COQ8A: variants seen among roughly 807,000 people sequenced by gnomAD.
COQ8A encodes coenzyme Q8A.
In COQ8A, 51 loss-of-function variants were observed where a neutral mutation model predicts 65.0. The observed-to-expected ratio is 0.78, with a 90% CI of 0.63 to 0.99. COQ8A has a LOEUF of 0.99. Ranked by LOEUF, COQ8A falls within the 50% of genes least tolerant of loss-of-function variation. The pLI is 0.00. For missense variants in COQ8A, 940 were observed against 875.0 expected (o/e 1.07, Z -0.94); for synonymous variants, 371 against 353.2 (o/e 1.05, Z -0.57).
At chr1:226,978,738 C>T (rs1318391671) in intron 5 of COQ8A, among the ~76,000 whole-genome samples, 1 of 80,904 alleles carries the variant, frequency 1.2e-5, no homozygotes, top group Non-Finnish European at 3.6e-5. Flanking sequence ...CATACCTGCA[C>T]ACCTCCTTAC....
chr1:226,971,266 A>G (rs895819046), intron 4 of COQ8A, among the ~76,000 whole-genome samples: 14 of 151,010 alleles, frequency 9.3e-5, no homozygotes, highest in Non-Finnish European at 2.1e-4. Context: ...TGAAAATGTC[A>G]TTATAGCTGG....
chr1:226,956,030 ACACTCTCCCTGGCTCT>A (rs1657719269), intron 1 of COQ8A, among the ~76,000 whole-genome samples: 2 of 68,032 alleles, frequency 2.9e-5, no homozygotes, highest in African/African-American at 6.9e-5. Flanking sequence ...TCCCTGGTTC[ACACTCTCCCTGGCTCT>A]CACTCTCCCT....
At chr1:226,983,726 C>T (rs1659863959) in intron 9 of COQ8A, 35 bp from the exon 10 acceptor site, 4 of 1,612,572 alleles carry the variant, frequency 2.5e-6, no homozygotes, top group Non-Finnish European at 3.4e-6. Context: ...CCTGCAGAGC[C>T]CCCTTCCTCG....
chr1:226,978,693 C>T lies in COQ8A; in HGVS notation c.730+1170C>T. Among the ~76,000 whole-genome samples, 2 of 95,454 alleles carry T rather than the reference C, an allele frequency of 2.1e-5. 1 individual carries two copies. Among genetic ancestry groups the T allele is most frequent in the Non-Finnish European group, 5.8e-5 (2 of 34,532 alleles). 62.6% of individuals were successfully genotyped at this position (95,454 alleles called of 152,430 possible). On this transcript the variant is annotated intron_variant, in intron 5 of 14. Coordinates refer to ENST00000366777, the MANE Select transcript of COQ8A (RefSeq NM_020247.5). ...ACCTCCTTACACACCCTCCACACAC[C>T]TGCACACCTCCTTACATCTTCCACA...
At chr1:226,977,655 G>A in intron 5 of COQ8A, 132 bp downstream of exon 5, 1 of 998,286 alleles carries the variant, frequency 1.0e-6, no homozygotes, top group African/African-American at 1.6e-5. Context: ...CACGTAAGTG[G>A]CGTCCCTGGG....
intron 1 of COQ8A, among the ~76,000 whole-genome samples, chr1:226,960,625 G>C (rs1658189286): frequency 8.0e-6 from 1 of 125,150 alleles, no homozygotes; most frequent in Non-Finnish European, 1.7e-5. Context: ...GATGGTGGTG[G>C]TGGTGGTGGT....
intron 4 of COQ8A, 195 bp from the exon 5 acceptor site, chr1:226,977,254 C>T (rs554356651): frequency 3.4e-6 from 2 of 590,272 alleles, no homozygotes; most frequent in Admixed American, 2.9e-5. Context: ...AAACACCTAC[C>T]TCGAGCCAAA....
chr1:226,960,483 A>ACTTGGTGGTGGTGGTG, intron 1 of COQ8A, among the ~76,000 whole-genome samples: 1 of 88,960 alleles, frequency 1.1e-5, no homozygotes, highest in African/African-American at 4.5e-5. Flanking sequence ...TGGCAGTGGT[A>ACTTGGTGGTGGTGGTG]CTTGGTGGTG....
At chr1:226,984,733 C>T (rs1659971750) in intron 12 of COQ8A, 78 bp downstream of exon 12, 12 of 1,523,642 alleles carry the variant, frequency 7.9e-6, no homozygotes, top group South Asian at 1.1e-5. Context: ...CTGGACTGCC[C>T]CTTGTCCTGG....
At chr1:226,965,823 A>G (rs2148064547) in intron 4 of COQ8A, 86 bp downstream of exon 4, 4 of 1,459,434 alleles carry the variant, frequency 2.7e-6, no homozygotes, top group South Asian at 1.1e-5. Flanking sequence ...GGACCCAGCA[A>G]TATCCCGGGG....
intron 4 of COQ8A, among the ~76,000 whole-genome samples, chr1:226,974,095 AGCCGAGTGACT>A (rs1377085504): frequency 6.6e-6 from 1 of 152,160 alleles, no homozygotes; most frequent in Admixed American, 6.5e-5. Flanking sequence ...TCTGGGCAGA[AGCCGAGTGACT>A]GCCCACAGGA....
At chr1:226,948,512 G>A (rs1374690893) in intron 1 of COQ8A, among the ~76,000 whole-genome samples, 1 of 152,196 alleles carries the variant, frequency 6.6e-6, no homozygotes, top group East Asian at 1.9e-4. Context: ...GCCTACCACA[G>A]CCACCCACAG....
chr1:226,983,067 T>C lies in COQ8A; in HGVS notation c.1080+33T>C, dbSNP rs2256060. 0.19 allele frequency: 291,569 copies of C among 1,562,312 alleles called. 28,727 individuals are homozygous for C. The highest frequency in any genetic ancestry group is 0.33 in the Admixed American group (17,267 of 52,960). ...GCCTGATGCGCAGTGCCTGTCCCTA[T>C]GGGGGCTGCAAGGGGCAGAGCTGGG... On this transcript the variant is annotated intron_variant, in intron 8 of 14. Coordinates refer to ENST00000366777, the MANE Select transcript of COQ8A (RefSeq NM_020247.5).
chr1:226,984,091 C>G lies in COQ8A; in HGVS notation c.1257-3C>G. On this transcript the variant is annotated splice_region_variant and splice_polypyrimidine_tract_variant and intron_variant, in intron 10 of 14. Transcript: ENST00000366777. ...TAGGGCGTGACCTCCCTCCCCTACC[C>G]AGGGACCTGCTGAAGGGCCACCCCT... The G allele has an allele frequency of 6.2e-7, 1 of 1,613,388 alleles. No homozygotes were observed. Among genetic ancestry groups the G allele is most frequent in the Non-Finnish European group, 8.5e-7 (1 of 1,179,970 alleles).
chr1:226,960,592 G>C (rs1658184642), intron 1 of COQ8A, among the ~76,000 whole-genome samples: 2 of 149,748 alleles, frequency 1.3e-5, no homozygotes, highest in African/African-American at 2.5e-5. Flanking sequence ...CTTGGTGGTG[G>C]TGGTGGCGGC....
chr1:226,978,447 T>A (rs1375570110), intron 5 of COQ8A, among the ~76,000 whole-genome samples: 4 of 106,502 alleles, frequency 3.8e-5, no homozygotes, highest in Middle Eastern at 8.2e-3. Flanking sequence ...CCCACACACC[T>A]CCTTACACAC....
chr1:226,958,762 C>T (rs1657970345), intron 1 of COQ8A, among the ~76,000 whole-genome samples: 1 of 152,214 alleles, frequency 6.6e-6, no homozygotes, highest in African/African-American at 2.4e-5. Context: ...AGCAGGCAGG[C>T]ACACGGAGGC....
chr1:226,971,209 G>T (rs112174602), intron 4 of COQ8A, among the ~76,000 whole-genome samples: 24,071 of 151,864 alleles, frequency 0.16, 2,419 homozygotes, highest in Non-Finnish European at 0.22. Flanking sequence ...CCAAAGTGCT[G>T]GGATTACAGG....
chr1:226,945,741 T>C (rs879762928), intron 1 of COQ8A, among the ~76,000 whole-genome samples: 2 of 152,256 alleles, frequency 1.3e-5, no homozygotes, highest in African/African-American at 4.8e-5. Flanking sequence ...GAGGAACAGC[T>C]GCCTGCTGGC....
Sources: allele counts gnomAD v4.1 joint callset (sites outside exome capture counted in the v4.1 genomes callset), GRCh38; gene constraint gnomAD v4.1.1; transcripts MANE v1.5; gene names NCBI Gene and HGNC (gene_info 2026-07-23, HGNC 2026-07-21).